MBD5: variants seen among roughly 807,000 people sequenced by gnomAD.
MBD5 encodes methyl-CpG-binding domain protein 5.
Under a neutral mutation model 117.3 loss-of-function variants are expected in MBD5, and 13 were observed. The ratio of observed to expected loss-of-function variants is 0.11; its 90% CI spans 0.07 to 0.18. The LOEUF (loss-of-function observed/expected upper bound fraction) is 0.18, where lower values mean the gene tolerates loss of function less well. Among genes scored for constraint, MBD5 ranks in the 10% least tolerant of loss-of-function variants. The pLI is 1.00. For missense variants in MBD5, 1,879 were observed against 2,093.8 expected (o/e 0.90, Z 2.00); for synonymous variants, 727 against 766.4 (o/e 0.95, Z 0.85).
intron 2 of MBD5, among the ~76,000 whole-genome samples, chr2:148,211,020 A>C (rs1224490320): frequency 6.6e-6 from 1 of 152,200 alleles, no homozygotes; most frequent in South Asian, 2.1e-4. Context: ...GTAATCTGCC[A>C]GTGGAAGGGA....
chr2:148,487,310 A>G (rs1681369778), intron 10 of MBD5, among the ~76,000 whole-genome samples: 1 of 152,146 alleles, frequency 6.6e-6, no homozygotes, highest in Non-Finnish European at 1.5e-5. Flanking sequence ...GGGATCCAGA[A>G]TCTAGGACCA....
chr2:148,131,009 AGAG>A lies in MBD5; in HGVS notation c.-924-47687_-924-47685del, dbSNP rs1347641944. Reference sequence around the variant, plus strand: ...TCATTTCCTGATAATACGAGATGAAAGAGGAGTTCTTTGGCATAAAATGTAGTA... The same window carrying A: ...TCATTTCCTGATAATACGAGATGAAAGAGTTCTTTGGCATAAAATGTAGTA... On this transcript the variant is annotated intron_variant, in intron 1 of 13. Transcript: ENST00000642680. Among the ~76,000 whole-genome samples, 4 of 152,344 alleles carry A rather than the reference AGAG, an allele frequency of 2.6e-5. No homozygotes were observed. In the East Asian group the frequency reaches 7.7e-4, roughly 29 times the overall value.
At chr2:148,098,783 G>T (rs1321543777) in intron 1 of MBD5, among the ~76,000 whole-genome samples, 1 of 152,112 alleles carries the variant, frequency 6.6e-6, no homozygotes. Context: ...AGGTGTGGTG[G>T]CTCATGCCTG....
chr2:148,429,599 A>G (rs1016484143), intron 4 of MBD5, among the ~76,000 whole-genome samples: 6 of 152,202 alleles, frequency 3.9e-5, no homozygotes, highest in African/African-American at 9.7e-5. Flanking sequence ...ACCAACCCAA[A>G]TGCTCATCAA....
At chr2:148,292,828 C>T (rs1285644736) in intron 3 of MBD5, among the ~76,000 whole-genome samples, 1 of 151,572 alleles carries the variant, frequency 6.6e-6, no homozygotes, top group African/African-American at 2.4e-5. Flanking sequence ...GCTAAGTGTT[C>T]ATCAGCAGAT....
At chr2:148,349,411 TTTA>T (rs1399317740) in intron 4 of MBD5, among the ~76,000 whole-genome samples, 2 of 151,982 alleles carry the variant, frequency 1.3e-5, no homozygotes, top group African/African-American at 4.8e-5. Context: ...CACTTATATT[TTTA>T]TTATTATCAT....
At chr2:148,296,693 C>G (rs889124717) in intron 3 of MBD5, 1 of 155,138 alleles carries the variant, frequency 6.4e-6, no homozygotes, top group African/African-American at 2.4e-5. Context: ...CTAGGCCACC[C>G]ACTTGCATTG....
At chr2:148,289,476 A>G (rs1701447901) in intron 3 of MBD5, among the ~76,000 whole-genome samples, 2 of 152,294 alleles carry the variant, frequency 1.3e-5, no homozygotes, top group East Asian at 1.9e-4. Context: ...TTGGAAAACA[A>G]CTAATCAATG....
intron 4 of MBD5, among the ~76,000 whole-genome samples, chr2:148,426,549 G>T (rs1705795563): frequency 6.6e-6 from 1 of 151,926 alleles, no homozygotes; most frequent in Non-Finnish European, 1.5e-5. Context: ...TAAGAAATGG[G>T]GAAAGGATTC....
At chr2:148,299,249 T>C (rs1214757244) in intron 3 of MBD5, among the ~76,000 whole-genome samples, 1 of 152,058 alleles carries the variant, frequency 6.6e-6, no homozygotes, top group African/African-American at 2.4e-5. Context: ...TGCCTCAGGC[T>C]CCTGAGTAGC....
chr2:148,237,483 G>A (rs1700115814), intron 3 of MBD5, among the ~76,000 whole-genome samples: 1 of 152,154 alleles, frequency 6.6e-6, no homozygotes, highest in African/African-American at 2.4e-5. Flanking sequence ...GAGAGGGAGA[G>A]AGACGGGGAA....
intron 2 of MBD5, among the ~76,000 whole-genome samples, chr2:148,225,569 T>C (rs1030664135): frequency 1.3e-5 from 2 of 152,300 alleles, no homozygotes; most frequent in African/African-American, 4.8e-5. Context: ...TACTTTCAGA[T>C]GATTTGTTGC....
chr2:148,072,890 A>T (rs1695400764), intron 1 of MBD5, among the ~76,000 whole-genome samples: 1 of 152,152 alleles, frequency 6.6e-6, no homozygotes, highest in Admixed American at 6.5e-5. Context: ...TTGGTTGAGA[A>T]ATACAGATTT....
At chr2:148,021,923 A>T (rs1417867688) in intron 1 of MBD5, 1 of 155,056 alleles carries the variant, frequency 6.4e-6, no homozygotes, top group Non-Finnish European at 1.4e-5. Flanking sequence ...TCTCTCCTCC[A>T]TCTAACATCT....
rs1014488223 is a variant in MBD5 at position 148,376,350 on chromosome 2, T to C, written c.-557+34014T>C. ...CGGCGCAGTCTCGGCTCACTGCAAG[T>C]TCCGCCTCCTGGGTTCACGTCATTC... On this transcript the variant is annotated intron_variant, in intron 4 of 13. Coordinates refer to ENST00000642680, the MANE Select transcript of MBD5 (RefSeq NM_001378120.1). Among the ~76,000 whole-genome samples the C allele has an allele frequency of 2.7e-5, 4 of 150,178 alleles. No individual in the cohort carries two copies. In the East Asian group the frequency reaches 5.8e-4, roughly 22 times the overall value.
chr2:148,231,005 G>A (rs1180348083), intron 2 of MBD5, among the ~76,000 whole-genome samples: 1 of 152,148 alleles, frequency 6.6e-6, no homozygotes, highest in Non-Finnish European at 1.5e-5. Context: ...TGTATAGCCT[G>A]TGGTTAGGAG....
chr2:148,184,258 C>A (rs569805566), intron 2 of MBD5, among the ~76,000 whole-genome samples: 18 of 152,260 alleles, frequency 1.2e-4, no homozygotes, highest in African/African-American at 4.1e-4. Flanking sequence ...AGTGGTCCTC[C>A]CGCCTTGGCT....
At chr2:148,229,673 G>T (rs933219807) in intron 2 of MBD5, among the ~76,000 whole-genome samples, 1 of 152,164 alleles carries the variant, frequency 6.6e-6, no homozygotes, top group Non-Finnish European at 1.5e-5. Flanking sequence ...GGACTTGATT[G>T]TTGTGATCTA....
chr2:148,429,042 A>G (rs891699998), intron 4 of MBD5, among the ~76,000 whole-genome samples: 1 of 152,198 alleles, frequency 6.6e-6, no homozygotes, highest in Non-Finnish European at 1.5e-5. Flanking sequence ...AGAAACTCTC[A>G]TCAGAGTGAA....
Sources: gnomAD v4.1 joint callset for allele counts (sites outside exome capture counted in the v4.1 genomes callset) on GRCh38, gnomAD v4.1.1 for gene constraint, MANE v1.5 for transcripts, NCBI Gene and HGNC (gene_info 2026-07-23, HGNC 2026-07-21) for gene names.